CUX1: variants seen among roughly 807,000 people sequenced by gnomAD.
CUX1 encodes the protein cut like homeobox 1.
Under a neutral mutation model 158.8 loss-of-function variants are expected in CUX1, and 31 were observed. The observed-to-expected ratio is 0.20, with a 90% CI of 0.15 to 0.26. The LOEUF (loss-of-function observed/expected upper bound fraction) is 0.26, where lower values mean the gene tolerates loss of function less well. CUX1 is among the 10% of genes least tolerant of loss of function. The probability of loss-of-function intolerance (pLI) is 1.00; values close to 1 mark genes in which losing one functional copy is unlikely to be tolerated. For synonymous variants in CUX1, 879 were observed against 862.1 expected (o/e 1.02, Z -0.34); for missense variants, 1,589 against 2,014.6 (o/e 0.79, Z 4.04).
intron 2 of CUX1, among the ~76,000 whole-genome samples, chr7:101,925,979 AT>A (rs1805541771): frequency 6.6e-6 from 1 of 152,136 alleles, no homozygotes; most frequent in Non-Finnish European, 1.5e-5. Context: ...CCTAAACTAA[AT>A]TAAAAAAGAA....
intron 2 of CUX1, among the ~76,000 whole-genome samples, chr7:102,022,961 T>G (rs1464373677): frequency 1.3e-5 from 2 of 152,308 alleles, no homozygotes; most frequent in African/African-American, 4.8e-5. Flanking sequence ...AAGCCTGTAA[T>G]CCCAGCACTT....
At chr7:102,277,938 T>G in intron 17 of CUX1, 9 of 410,368 alleles carry the variant, frequency 2.2e-5, no homozygotes, top group Non-Finnish European at 3.3e-5. Context: ...TCCTTGCCCC[T>G]CCCCCCCCAG....
intron 21 of CUX1, chr7:102,282,017 C>A: frequency 2.4e-6 from 2 of 850,492 alleles, no homozygotes; most frequent in Non-Finnish European, 4.0e-6. Context: ...GGCCCCTGGG[C>A]CTACCCCAAG....
At chr7:102,063,752 T>C (rs1259823308) in intron 3 of CUX1, among the ~76,000 whole-genome samples, 2 of 152,220 alleles carry the variant, frequency 1.3e-5, no homozygotes, top group African/African-American at 4.8e-5. Context: ...CCTGAACCCT[T>C]GGGTCACATC....
At chr7:102,239,694 T>C (rs1232145380) in intron 23 of CUX1, 110 bp downstream of exon 23, 9 of 1,314,408 alleles carry the variant, frequency 6.8e-6, no homozygotes, top group Non-Finnish European at 9.3e-6. Flanking sequence ...GGTGGGGCGC[T>C]GGGAGCTCGG....
chr7:102,042,061 T>A (rs1292412669), intron 3 of CUX1, among the ~76,000 whole-genome samples: 1 of 151,940 alleles, frequency 6.6e-6, no homozygotes, highest in Non-Finnish European at 1.5e-5. Flanking sequence ...TGAGTGTGTG[T>A]GTGTGTGTAT....
chr7:102,134,268 T>A (rs1563291341), intron 8 of CUX1, among the ~76,000 whole-genome samples: 1 of 151,868 alleles, frequency 6.6e-6, no homozygotes, highest in Non-Finnish European at 1.5e-5. Flanking sequence ...ACCCGGGAGG[T>A]GGAGGTTGCA....
intron 3 of CUX1, among the ~76,000 whole-genome samples, chr7:102,065,065 C>T (rs1825391347): frequency 6.6e-6 from 1 of 152,070 alleles, no homozygotes; most frequent in African/African-American, 2.4e-5. Flanking sequence ...ATGGACTAAA[C>T]TCCAACTTCA....
intron 2 of CUX1, among the ~76,000 whole-genome samples, chr7:101,973,757 T>C (rs1426873065): frequency 3.3e-5 from 5 of 150,920 alleles, no homozygotes; most frequent in Non-Finnish European, 7.4e-5. Flanking sequence ...AGATTCTTTT[T>C]CTTTTTCTTT....
chr7:102,144,685 A>AAC (rs1834840324), intron 8 of CUX1, among the ~76,000 whole-genome samples: 1 of 151,038 alleles, frequency 6.6e-6, no homozygotes, highest in African/African-American at 2.4e-5. Context: ...AAAAAAAAAA[A>AAC]CAGTAAAAAT....
At position 101,931,477 on chromosome 7, in the gene CUX1, C is replaced by T. The variant is rs143146131; in HGVS notation, c.141+15252C>T. Among the ~76,000 whole-genome samples the T allele has an allele frequency of 2.2e-3, 341 of 152,304 alleles. 2 individuals are homozygous for T. Among genetic ancestry groups the T allele is most frequent in the African/African-American group, 7.6e-3 (316 of 41,562 alleles). On this transcript the variant is annotated intron_variant, in intron 2 of 23. Coordinates refer to ENST00000292535, the MANE Select transcript of CUX1 (RefSeq NM_181552.4). ...TAACACTCACAGGATCCCTACGAAA[C>T]AGGTACAGTGTTTATTTCTGTTTCA...
intron 21 of CUX1, 70 bp from the exon 22 acceptor site, chr7:102,233,982 A>G: frequency 7.9e-7 from 1 of 1,270,414 alleles, no homozygotes; most frequent in Non-Finnish European, 1.0e-6. Context: ...TTTAACCTTG[A>G]CACGTACTTG....
chr7:102,097,158 C>T (rs1350692342), intron 4 of CUX1, among the ~76,000 whole-genome samples: 3 of 152,238 alleles, frequency 2.0e-5, no homozygotes, highest in African/African-American at 7.2e-5. Context: ...TTTCACACCT[C>T]GAGGACCCCG....
At chr7:102,174,840 C>T (rs990016954) in intron 10 of CUX1, among the ~76,000 whole-genome samples, 11 of 152,208 alleles carry the variant, frequency 7.2e-5, no homozygotes, top group African/African-American at 2.7e-4. Flanking sequence ...ATCCCAACTA[C>T]TCAGGAGGCT....
At chr7:101,841,114 C>G (rs879892361) in intron 1 of CUX1, among the ~76,000 whole-genome samples, 2 of 151,906 alleles carry the variant, frequency 1.3e-5, no homozygotes, top group South Asian at 4.1e-4. Context: ...AGGATGGTCT[C>G]GATCTCCTGA....
In CUX1 at chr7:102,256,066, C is replaced by G. The variant is rs1586467303; in HGVS notation, c.*7024C>G. On this transcript the variant is annotated 3_prime_UTR_variant, in exon 24 of 24. Transcript: ENST00000292535. Reference sequence around the variant, plus strand: ...AGGGAAAACAGGCCTCCCCGACTCCCTCCAGTCTCCCAGCCTGCCTCTTGG... The same window carrying G: ...AGGGAAAACAGGCCTCCCCGACTCCGTCCAGTCTCCCAGCCTGCCTCTTGG... 1.0e-6 allele frequency: 1 copy of G among 985,500 alleles called. No individual in the cohort carries two copies. The highest frequency in any genetic ancestry group is 1.7e-5 in the African/African-American group (1 of 57,374). The allele number at this position is 985,500 out of a possible 1,614,324, so 61.0% of individuals were successfully genotyped here. A position where few individuals can be genotyped will look rare whatever the true frequency, so the allele number is the denominator to read the frequency against.
rs1013085129 is a variant in CUX1 at position 102,256,706 on chromosome 7, T to A, written c.*7664T>A. On this transcript the variant is annotated 3_prime_UTR_variant, in exon 24 of 24. Coordinates refer to ENST00000292535, the MANE Select transcript of CUX1 (RefSeq NM_181552.4). ...GGAATCTTAGCAAAGCCAAGTTCAG[T>A]TCCCCAAAGCCTCCTAGAGCCTCTG... is the stretch of plus-strand genomic sequence containing the variant. 1.7e-5 allele frequency: 17 copies of A among 985,364 alleles called. No homozygotes were observed. In the African/African-American group the frequency reaches 3.0e-4, roughly 17 times the overall value. The allele number at this position is 985,364 out of a possible 1,614,324, so 61.0% of individuals were successfully genotyped here.
At chr7:102,133,627 C>T (rs1249736412) in intron 8 of CUX1, among the ~76,000 whole-genome samples, 4 of 151,886 alleles carry the variant, frequency 2.6e-5, no homozygotes, top group East Asian at 3.9e-4. Context: ...AGGCATGTGC[C>T]ACCACACCCA....
chr7:102,197,377 T>C, intron 15 of CUX1, 72 bp downstream of exon 15: 1 of 1,482,580 alleles, frequency 6.7e-7, no homozygotes, highest in Non-Finnish European at 9.3e-7. Context: ...TGTGCATGCG[T>C]GCGTGTGTCT....
Sources: allele counts gnomAD v4.1 joint callset (sites outside exome capture counted in the v4.1 genomes callset), GRCh38; gene constraint gnomAD v4.1.1; transcripts MANE v1.5; gene names NCBI Gene and HGNC (gene_info 2026-07-23, HGNC 2026-07-21).